The following SYNPR variants were observed in gnomAD, a reference collection of about 807,000 sequenced individuals.
SYNPR encodes the protein synaptoporin.
Under a neutral mutation model 32.9 loss-of-function variants are expected in SYNPR, and 23 were observed. The observed-to-expected ratio is 0.70, with a 90% CI of 0.50 to 0.99. SYNPR has a LOEUF of 0.99. SYNPR is among the 50% of genes least tolerant of loss of function. The probability of loss-of-function intolerance (pLI) is 0.00; values close to 1 mark genes in which losing one functional copy is unlikely to be tolerated. For synonymous variants in SYNPR, 146 were observed against 135.9 expected, an observed-to-expected ratio of 1.07 and a Z score of -0.52; for missense variants, 318 against 349.3, an observed-to-expected ratio of 0.91 and a Z score of 0.71.
intron 3 of SYNPR, among the ~76,000 whole-genome samples, chr3:63,509,613 C>G (rs1701656790): frequency 6.6e-6 from 1 of 151,926 alleles, no homozygotes; most frequent in African/African-American, 2.4e-5. Flanking sequence ...AGAAGAACCT[C>G]AACGTCTTTA....
At chr3:63,223,546 T>TA (rs2106867326), upstream of SYNPR, among the ~76,000 whole-genome samples, 1 of 152,204 alleles carries the variant, frequency 6.6e-6, no homozygotes, top group South Asian at 2.1e-4. Context: ...GCCATGGTTT[T>TA]AGCTAAGGTT....
At chr3:63,373,157 C>T (rs2087842617) in intron 2 of SYNPR, among the ~76,000 whole-genome samples, 1 of 152,128 alleles carries the variant, frequency 6.6e-6, no homozygotes, top group Non-Finnish European at 1.5e-5. Flanking sequence ...TCTGGCAGCT[C>T]AAAAAGCCAG....
chr3:63,538,209 G>C (rs1702241668), intron 3 of SYNPR, among the ~76,000 whole-genome samples: 7 of 152,024 alleles, frequency 4.6e-5, no homozygotes, highest in Admixed American at 4.6e-4. Context: ...CATCCTACTA[G>C]AGATAAGAAA....
chr3:63,457,913 A>C (rs17068621), intron 2 of SYNPR, among the ~76,000 whole-genome samples: 1,601 of 152,210 alleles, frequency 0.011, 56 homozygotes, highest in East Asian at 0.072. Flanking sequence ...TAAATTTGAT[A>C]CTGATTTACT....
At chr3:63,322,479 C>T (rs778725549) in intron 2 of SYNPR, among the ~76,000 whole-genome samples, 16 of 152,018 alleles carry the variant, frequency 1.1e-4, no homozygotes, top group Non-Finnish European at 5.9e-5. Context: ...GGCTTAAATC[C>T]AGGTTGGCCT....
chr3:63,576,737 G>C (rs1702986561), intron 4 of SYNPR, among the ~76,000 whole-genome samples: 1 of 150,254 alleles, frequency 6.7e-6, no homozygotes, highest in Non-Finnish European at 1.5e-5. Flanking sequence ...GTTGCAGTGA[G>C]CTGAGATTGC....
rs1212199605 is a variant in SYNPR, at chr3:63,591,044, C to T, written c.409-18081C>T. 5.2e-4 allele frequency among the ~76,000 whole-genome samples: 77 copies of T among 147,816 alleles called. 2 individuals carry two copies. The highest frequency in any genetic ancestry group is 7.3e-4 in the Admixed American group (11 of 14,998). ...AACCTACAACATGGGAGAAAATTTT[C>T]GCAACCTACTCATCTGACAAAGGGC... On this transcript the variant is annotated intron_variant, in intron 4 of 5. Transcript: ENST00000478300.
intron 3 of SYNPR, among the ~76,000 whole-genome samples, chr3:63,268,655 G>A (rs936500286): frequency 6.6e-6 from 1 of 151,910 alleles, no homozygotes; most frequent in East Asian, 1.9e-4. Flanking sequence ...TTCATGTTGA[G>A]TAAGCTGAAG....
Position 63,254,902 on chromosome 3 carries a change from G to C in SYNPR, n.154+2316G>C, listed in dbSNP as rs533708732. Among the ~76,000 whole-genome samples the C allele has an allele frequency of 1.2e-3, 185 of 152,270 alleles. 3 individuals carry two copies. The highest frequency in any genetic ancestry group is 2.3e-3 in the Non-Finnish European group (156 of 68,024). Reference sequence around the variant, plus strand: ...AAGAATGGCCCAGACAGGAACAGAGGGAAGATCATGTGAAGACACAGGGAG... The same window carrying C: ...AAGAATGGCCCAGACAGGAACAGAGCGAAGATCATGTGAAGACACAGGGAG... On this transcript the variant is annotated intron_variant and non_coding_transcript_variant, in intron 2 of 4. Coordinates refer to the SYNPR transcript ENST00000478456.
At chr3:63,360,007 C>T (rs911891194) in intron 2 of SYNPR, among the ~76,000 whole-genome samples, 4 of 152,208 alleles carry the variant, frequency 2.6e-5, no homozygotes, top group African/African-American at 9.6e-5. Context: ...TCATCTGATT[C>T]TCAAACATAC....
chr3:63,446,424 A>G lies in SYNPR; in HGVS notation c.85-34408A>G, dbSNP rs552501929. 2.6e-5 allele frequency among the ~76,000 whole-genome samples: 4 copies of G among 152,262 alleles called. No individual in the cohort carries two copies. In the South Asian group the frequency reaches 8.3e-4, roughly 32 times the overall value. On this transcript the variant is annotated intron_variant, in intron 2 of 5. Coordinates refer to ENST00000478300, the MANE Select transcript of SYNPR (RefSeq NM_001130003.2). ...GTCAATAAGCATGCTGAGAAGCGTG[A>G]CAAAGACGAAATTCAGAGTCCCCAA...
chr3:63,220,096 C>T, the SYNPR span, among the ~76,000 whole-genome samples: 1 of 152,124 alleles, frequency 6.6e-6, no homozygotes, highest in Admixed American at 6.5e-5. Flanking sequence ...TGAATCAGTG[C>T]CTGGCACAGA....
At chr3:63,412,734 T>G (rs1192420803) in intron 2 of SYNPR, among the ~76,000 whole-genome samples, 2 of 152,118 alleles carry the variant, frequency 1.3e-5, no homozygotes, top group African/African-American at 4.8e-5. Flanking sequence ...AGTTGGAAAC[T>G]GAGCAGTATT....
In SYNPR at chr3:63,403,303, TTAAATAA is replaced by T. The variant is rs575891507; in HGVS notation, c.85-77526_85-77520del. 2.6e-5 allele frequency among the ~76,000 whole-genome samples: 4 copies of T among 152,132 alleles called. No homozygotes were observed. The South Asian group carries it at 8.3e-4, about 32-fold the overall frequency. On this transcript the variant is annotated intron_variant, in intron 2 of 5. Coordinates refer to ENST00000478300, the MANE Select transcript of SYNPR (RefSeq NM_001130003.2). ...TGCATAAATGGATTTGAAAAGAACA[TTAAATAA>T]TAGAGTCCACGAAGCCTTGGTTGAG... is the stretch of plus-strand genomic sequence containing the variant.
intron 3 of SYNPR, among the ~76,000 whole-genome samples, chr3:63,518,699 G>A (rs565208559): frequency 6.6e-6 from 1 of 152,184 alleles, no homozygotes; most frequent in Admixed American, 6.6e-5. Context: ...GCACAGTTCT[G>A]AGTGCTTTAC....
intron 4 of SYNPR, among the ~76,000 whole-genome samples, chr3:63,607,443 G>T (rs1391985657): frequency 6.6e-6 from 1 of 152,076 alleles, no homozygotes; most frequent in Non-Finnish European, 1.5e-5. Context: ...TTGTATTACT[G>T]TTGAAACAGC....
rs189539128 is a variant in SYNPR at position 63,235,166 on chromosome 3, C to T, written n.66+6786C>T. On this transcript the variant is annotated intron_variant and non_coding_transcript_variant, in intron 1 of 4. Transcript: ENST00000478456. The stretch of plus-strand genomic sequence containing the variant: ...AGCAAAACAACATTTAGCATCACCA[C>T]AGTTGAGATACTGAATAGCACCAAC... Among the ~76,000 whole-genome samples, 516 of 152,262 alleles carry T rather than the reference C, an allele frequency of 3.4e-3. 2 individuals are homozygous for T. Among genetic ancestry groups the T allele is most frequent in the South Asian group, 0.01 (50 of 4,814 alleles).
chr3:63,548,524 TAC>T (rs1702450575), intron 3 of SYNPR, among the ~76,000 whole-genome samples: 1 of 152,126 alleles, frequency 6.6e-6, no homozygotes, highest in Non-Finnish European at 1.5e-5. Context: ...ACACACTTAT[TAC>T]ACACATACAC....
intron 2 of SYNPR, among the ~76,000 whole-genome samples, chr3:63,279,266 T>G (rs1337451117): frequency 6.6e-6 from 1 of 152,128 alleles, no homozygotes; most frequent in African/African-American, 2.4e-5. Context: ...GAGGGAAAGA[T>G]GCTGCGAAGC....
Sources: gnomAD v4.1 joint callset for allele counts (sites outside exome capture counted in the v4.1 genomes callset) on GRCh38, gnomAD v4.1.1 for gene constraint, MANE v1.5 for transcripts, NCBI Gene and HGNC (gene_info 2026-07-23, HGNC 2026-07-21) for gene names.